SYPL1: variants seen among roughly 807,000 people sequenced by gnomAD.
SYPL1 encodes synaptophysin-like protein 1.
SYPL1 carries 6 observed loss-of-function variants against 23.7 expected under a neutral mutation model. That is an observed-to-expected ratio of 0.25 (90% CI 0.14 to 0.50). The LOEUF is 0.50. SYPL1 is among the 20% of genes least tolerant of loss of function. The pLI is 0.98. For missense variants in SYPL1, 253 were observed against 288.9 expected (o/e 0.88, Z 0.90); for synonymous variants, 102 against 104.5 (o/e 0.98, Z 0.15).
At position 106,093,758 on chromosome 7, in the gene SYPL1, G is replaced by A. The variant is rs977632543; in HGVS notation, c.403-621C>T. 1.6e-5 allele frequency among the ~76,000 whole-genome samples: 2 copies of A among 126,964 alleles called. 1 individual carries two copies. Among genetic ancestry groups the A allele is most frequent in the East Asian group, 5.6e-4 (2 of 3,596 alleles). The allele number at this position is 126,964 out of a possible 152,430, so 83.3% of individuals were successfully genotyped here. On this transcript the variant is annotated intron_variant, in intron 3 of 4. Coordinates refer to ENST00000455385, the MANE Select transcript of SYPL1 (RefSeq NM_182715.4). The stretch of plus-strand genomic sequence containing the variant: ...GTTAAACCAAATTCTCCATGAGATG[G>A]ATAATAAAATGGTGAAAAGCACACA...
Position 106,112,130 on chromosome 7 carries a change from C to A in SYPL1, c.69+10G>T. The A allele has an allele frequency of 6.7e-7, 1 of 1,491,190 alleles. No homozygotes were observed. Among genetic ancestry groups the A allele is most frequent in the Non-Finnish European group, 9.0e-7 (1 of 1,108,760 alleles). 92.4% of individuals were successfully genotyped at this position (1,491,190 alleles called of 1,614,324 possible). On this transcript the variant is annotated intron_variant, in intron 1 of 4. Transcript: ENST00000455385. The stretch of plus-strand genomic sequence containing the variant: ...GGCAGGCGGGCCTGGCCGGCGCGGG[C>A]TGCACTCACCCACTCGAGGACCTTG...
intron 4 of SYPL1, 191 bp downstream of exon 4, chr7:106,092,758 G>T: frequency 3.5e-6 from 2 of 566,922 alleles, no homozygotes; most frequent in South Asian, 2.0e-5. Flanking sequence ...ATAAAATCAT[G>T]ATCTTGGTTA....
intron 3 of SYPL1, among the ~76,000 whole-genome samples, chr7:106,094,319 A>G (rs1839906295): frequency 6.6e-6 from 1 of 152,244 alleles, no homozygotes; most frequent in Non-Finnish European, 1.5e-5. Context: ...CCAACCTAAT[A>G]TTTAGGATAA....
chr7:106,112,271 CAG>C lies in SYPL1; in HGVS notation c.-65_-64del. On this transcript the variant is annotated 5_prime_UTR_variant, in exon 1 of 5. Transcript: ENST00000455385. ...GGGCGGAGGAGGGGACCGACGAGACCAGAGCAGCCCGGTGGCGAGGAAGGGCA... is the reference window on the plus strand; with the variant it reads ...GGGCGGAGGAGGGGACCGACGAGACCAGCAGCCCGGTGGCGAGGAAGGGCA... 6.9e-7 allele frequency: 1 copy of C among 1,453,928 alleles called. No homozygotes were observed. The highest frequency in any genetic ancestry group is 9.2e-7 in the Non-Finnish European group (1 of 1,087,632). The allele number at this position is 1,453,928 out of a possible 1,614,324, so 90.1% of individuals were successfully genotyped here.
intron 1 of SYPL1, among the ~76,000 whole-genome samples, chr7:106,101,777 TAAAA>T (rs368949331): frequency 2.2e-5 from 3 of 133,394 alleles, no homozygotes; most frequent in African/African-American, 5.5e-5. Flanking sequence ...ACGTTTAAAT[TAAAA>T]AAAAAAAAAA....
chr7:106,111,112 G>A (rs977977134), intron 1 of SYPL1, among the ~76,000 whole-genome samples: 3 of 152,162 alleles, frequency 2.0e-5, no homozygotes, highest in African/African-American at 7.2e-5. Context: ...AACCCCTTGC[G>A]CGGTTACAAT....
rs12705333 is a variant in SYPL1, at chr7:106,097,922, T to A, written c.195-25A>T. The A allele has an allele frequency of 6.3e-7, 1 of 1,580,416 alleles. No homozygotes were observed. Among genetic ancestry groups the A allele is most frequent in the South Asian group, 1.1e-5 (1 of 88,380 alleles). On this transcript the variant is annotated intron_variant, in intron 2 of 4. Transcript: ENST00000455385. This position sits in a 1 kb window ranked among gnomAD's most constrained non-coding sequence, Gnocchi z 4.6. Reference sequence around the variant, plus strand: ...CCTATTAAAATAAATGTATGAATTATTGGACTTTCCCAACAGAGACAGAAA... The same window carrying A: ...CCTATTAAAATAAATGTATGAATTAATGGACTTTCCCAACAGAGACAGAAA...
At chr7:106,099,086 T>C in intron 2 of SYPL1, 72 bp downstream of exon 2, 2 of 1,545,680 alleles carry the variant, frequency 1.3e-6, no homozygotes, top group Non-Finnish European at 1.7e-6. Flanking sequence ...AATCAATAAA[T>C]TGCTGGAAAT....
chr7:106,094,888 T>C (rs1839940551), intron 3 of SYPL1, among the ~76,000 whole-genome samples: 1 of 152,260 alleles, frequency 6.6e-6, no homozygotes, highest in Middle Eastern at 3.4e-3. Context: ...GTAACCTAGG[T>C]TGAAGGAACG....
At chr7:106,093,536 T>C (rs1460933388) in intron 3 of SYPL1, among the ~76,000 whole-genome samples, 2 of 131,856 alleles carry the variant, frequency 1.5e-5, no homozygotes, top group African/African-American at 4.9e-5. Flanking sequence ...TCCAGCTCAC[T>C]GTCTCTGGCA....
At position 106,097,607 on chromosome 7, in the gene SYPL1, G is replaced by C. The variant is rs941366841; in HGVS notation, c.402+83C>G. 8 of 1,299,784 alleles carry C rather than the reference G, an allele frequency of 6.2e-6. No homozygotes were observed. The East Asian group carries it at 1.3e-4, about 21-fold the overall frequency. The allele number at this position is 1,299,784 out of a possible 1,614,324, so 80.5% of individuals were successfully genotyped here. On this transcript the variant is annotated intron_variant, in intron 3 of 4. Transcript: ENST00000455385. This position sits in a 1 kb window ranked among gnomAD's most constrained non-coding sequence, Gnocchi z 4.6. ...AATATGCTGAACTGGCTTACACCAA[G>C]AATTTTTATTTCCAGTATAAGAAAA...
intron 3 of SYPL1, among the ~76,000 whole-genome samples, chr7:106,094,901 G>T (rs1277345462): frequency 6.6e-6 from 1 of 152,116 alleles, no homozygotes; most frequent in African/African-American, 2.4e-5. Context: ...AAGGAACGTG[G>T]GGGGAATTCT....
upstream of SYPL1, chr7:106,112,425 G>GGAGGC: frequency 7.0e-7 from 1 of 1,420,736 alleles, no homozygotes; most frequent in South Asian, 1.5e-5. Flanking sequence ...GGGCGGCTGG[G>GGAGGC]GAGGCGAGGG....
At position 106,097,876 on chromosome 7, in the gene SYPL1, C is replaced by T. The variant is rs536210906; in HGVS notation, c.216G>A (p.Gln72=). 2.5e-6 allele frequency: 4 copies of T among 1,612,462 alleles called. No individual in the cohort carries two copies. In the South Asian group the frequency reaches 3.3e-5, roughly 13 times the overall value. ...CACATATGTTTACACCTGGAGGTGG[C>T]TGAAATGATGCCTCATTCAACCTAT... The part of the protein sequence containing the change: ...YPFRLNEASF[Q]PPPGVNICDV... Residue 72 remains glutamine, a synonymous_variant, in exon 3 of 5, where the codon CAG becomes CAA. Transcript: ENST00000455385. The surrounding 1 kb of genome is among the most constrained non-coding windows in gnomAD (Gnocchi z 4.6).
In SYPL1 at chr7:106,093,001, A is replaced by G. The variant is rs144517935; in HGVS notation, c.539T>C (p.Val180Ala). The G allele has an allele frequency of 6.2e-7, 1 of 1,613,690 alleles. No individual in the cohort carries two copies. The highest frequency in any genetic ancestry group is 1.3e-5 in the African/African-American group (1 of 74,946). Residue 180 changes from valine to alanine, a missense_variant, in exon 4 of 5, where the codon GTA becomes GCA. By Grantham distance (64) the Val-to-Ala change is moderately conservative (BLOSUM62 0). Coordinates refer to ENST00000455385, the MANE Select transcript of SYPL1 (RefSeq NM_182715.4). The part of the protein sequence containing the change: ...DELPPCKKKA[V>A]LCYFGSVTSM... ...GGTCACAGAGCCAAAGTAACACAGT[A>G]CTGCTTTCTTCTTACAAGGCGGAAG...
Position 106,109,644 on chromosome 7 carries a change from C to T in SYPL1, c.69+2496G>A, listed in dbSNP as rs569234613. Among the ~76,000 whole-genome samples the T allele has an allele frequency of 2.0e-5, 3 of 152,292 alleles. No individual in the cohort carries two copies. Among genetic ancestry groups the T allele is most frequent in the Admixed American group, 6.5e-5 (1 of 15,296 alleles). The stretch of plus-strand genomic sequence containing the variant: ...ATCTAAAGAGACCACAAACTCAATA[C>T]ATCTGAAACCTTTGACTTCCCATAA... On this transcript the variant is annotated intron_variant, in intron 1 of 4. Transcript: ENST00000455385. This position sits in a 1 kb window ranked among gnomAD's most constrained non-coding sequence, Gnocchi z 4.3.
intron 1 of SYPL1, 99 bp downstream of exon 1, chr7:106,112,041 G>C: frequency 8.5e-7 from 1 of 1,177,318 alleles, no homozygotes; most frequent in Non-Finnish European, 1.1e-6. Flanking sequence ...CTCAAAGCCC[G>C]CGCGGCAGGG....
chr7:106,093,261 TA>T, intron 3 of SYPL1, 124 bp from the exon 4 acceptor site: 1 of 898,602 alleles, frequency 1.1e-6, no homozygotes, highest in Non-Finnish European at 1.6e-6. Context: ...CTTCATGATA[TA>T]CTTTATTAAA....
chr7:106,112,499 G>A (rs751027121), upstream of SYPL1: 4 of 1,524,212 alleles, frequency 2.6e-6, no homozygotes, highest in Admixed American at 2.1e-5. Flanking sequence ...CGACTGATCC[G>A]CTGGCGAACC....
Sources: gnomAD v4.1 joint callset for allele counts (sites outside exome capture counted in the v4.1 genomes callset) on GRCh38, gnomAD v4.1.1 for gene constraint, Gnocchi (gnomAD v3.1) non-coding constraint, MANE v1.5 for transcripts, NCBI Gene and HGNC (gene_info 2026-07-23, HGNC 2026-07-21) for gene names.